TMEM164: variants seen among roughly 807,000 people sequenced by gnomAD.
The protein encoded by TMEM164 is RP13-360B22.2.
TMEM164 carries 4 observed loss-of-function variants against 18.8 expected under a neutral mutation model. The ratio of observed to expected loss-of-function variants is 0.21; its 90% CI spans 0.10 to 0.49. The LOEUF (loss-of-function observed/expected upper bound fraction) is 0.49. Among genes scored for constraint, TMEM164 ranks in the 20% least tolerant of loss-of-function variants. TMEM164 has a pLI of 0.98. For synonymous variants in TMEM164, 86 were observed against 101.7 expected (o/e 0.85, Z 0.93); for missense variants, 108 against 239.9 (o/e 0.45, Z 3.63).
intron 2 of TMEM164, among the ~76,000 whole-genome samples, chrX:110,029,606 A>G (rs1030208374): frequency 8.9e-6 from 1 of 112,378 alleles, no homozygotes; most frequent in South Asian, 3.7e-4. Flanking sequence ...GATGTCAGCT[A>G]TTCCCCCTTT....
chrX:110,041,804 C>T (rs186979842), intron 2 of TMEM164, among the ~76,000 whole-genome samples: 1 of 111,322 alleles, frequency 9.0e-6, no homozygotes, highest in African/African-American at 3.3e-5. Flanking sequence ...TCTAATGGTA[C>T]AGTTCTGTGA....
In TMEM164 at chrX:110,174,451, T is replaced by G. The variant is rs937379760; in HGVS notation, c.*1000T>G. 1.0e-5 allele frequency: 1 copy of G among 99,385 alleles called. No individual in the cohort carries two copies. Among genetic ancestry groups the G allele is most frequent in the African/African-American group, 3.7e-5 (1 of 26,905 alleles). 8.2% of individuals were successfully genotyped at this position (99,385 alleles called of 1,213,427 possible). Reference sequence around the variant, plus strand: ...AGCTGGAATTGGCTGGTTGGTTGGTTTTTGAGTTTGGAGAATCCTCGCATC... The same window carrying G: ...AGCTGGAATTGGCTGGTTGGTTGGTGTTTGAGTTTGGAGAATCCTCGCATC... On this transcript the variant is annotated 3_prime_UTR_variant, in exon 7 of 7. Transcript: ENST00000372068.
At chrX:110,151,176 A>G (rs993662101) in intron 5 of TMEM164, among the ~76,000 whole-genome samples, 14 of 112,482 alleles carry the variant, frequency 1.2e-4, no homozygotes, top group Non-Finnish European at 3.8e-5. Flanking sequence ...GATAATGTAA[A>G]TAACACTGCA....
At chrX:110,125,071 C>T (rs745989292) in intron 4 of TMEM164, among the ~76,000 whole-genome samples, 1 of 112,361 alleles carries the variant, frequency 8.9e-6, no homozygotes, top group Admixed American at 9.4e-5. Flanking sequence ...TCTACAGCAT[C>T]AATAGCCTGT....
intron 2 of TMEM164, among the ~76,000 whole-genome samples, chrX:110,055,873 G>A (rs1935801772): frequency 9.0e-6 from 1 of 111,088 alleles, no homozygotes; most frequent in Non-Finnish European, 1.9e-5. Flanking sequence ...AGAAAAGCAT[G>A]TAAAAGGGAG....
At chrX:110,096,616 C>T (rs2066023704) in intron 3 of TMEM164, among the ~76,000 whole-genome samples, 3 of 112,334 alleles carry the variant, frequency 2.7e-5, no homozygotes, top group African/African-American at 9.7e-5. Flanking sequence ...AAAGGGAATT[C>T]CCCGACCCCT....
At chrX:110,073,988 C>T (rs747848872) in intron 3 of TMEM164, among the ~76,000 whole-genome samples, 164 of 110,833 alleles carry the variant, frequency 1.5e-3, no homozygotes, top group African/African-American at 5.1e-3. Context: ...AGTGATTCTC[C>T]TGCGTCAGCC....
intron 3 of TMEM164, among the ~76,000 whole-genome samples, chrX:110,090,279 A>T (rs1335740077): frequency 5.7e-5 from 6 of 104,385 alleles, no homozygotes; most frequent in Non-Finnish European, 9.9e-5. Flanking sequence ...TTTTTTCTTT[A>T]CTTGCTTGTT....
At chrX:110,117,052 G>A (rs73636950) in intron 4 of TMEM164, among the ~76,000 whole-genome samples, 6,293 of 111,363 alleles carry the variant, frequency 0.057, 413 homozygotes, top group African/African-American at 0.18. Context: ...TAAGTTAGTT[G>A]ATGTGTGTAA....
intron 3 of TMEM164, among the ~76,000 whole-genome samples, chrX:110,091,790 A>G (rs771180838): frequency 1.2e-4 from 13 of 112,155 alleles, no homozygotes; most frequent in East Asian, 5.6e-4. Context: ...GCCCATGCCT[A>G]TGTCCTGAAT....
chrX:110,134,124 T>C (rs2066650833), intron 4 of TMEM164, among the ~76,000 whole-genome samples: 1 of 111,626 alleles, frequency 9.0e-6, no homozygotes, highest in African/African-American at 3.3e-5. Flanking sequence ...TTTTATGGGC[T>C]CAAAGTATTT....
chrX:110,007,437 A>G (rs958012885), intron 2 of TMEM164, among the ~76,000 whole-genome samples: 5 of 112,387 alleles, frequency 4.4e-5, no homozygotes, highest in Non-Finnish European at 9.4e-5. Context: ...CCCTTGCTAA[A>G]TATCACTGGT....
chrX:110,168,003 C>A (rs1264714834), intron 5 of TMEM164, among the ~76,000 whole-genome samples: 1 of 112,012 alleles, frequency 8.9e-6, no homozygotes, highest in African/African-American at 3.2e-5. Context: ...GCTGAGGACA[C>A]CCCCCACCAA....
intron 3 of TMEM164, among the ~76,000 whole-genome samples, chrX:110,101,312 G>A (rs1459866850): frequency 9.0e-6 from 1 of 111,690 alleles, no homozygotes; most frequent in Admixed American, 9.6e-5. Flanking sequence ...TTATTTAATA[G>A]TATTATTCAG....
intron 3 of TMEM164, among the ~76,000 whole-genome samples, chrX:110,078,517 C>T (rs1456571786): frequency 8.9e-6 from 1 of 111,841 alleles, no homozygotes; most frequent in Non-Finnish European, 1.9e-5. Context: ...CGGATCATCA[C>T]ATTTTAAAAT....
At position 110,109,069 on chromosome X, in the gene TMEM164, TC is replaced by T. The variant is rs746519046; in HGVS notation, c.441-6del. The T allele has an allele frequency of 8.3e-7, 1 of 1,207,539 alleles. No individual in the cohort carries two copies. Among genetic ancestry groups the T allele is most frequent in the Non-Finnish European group, 1.1e-6 (1 of 892,243 alleles). On this transcript the variant is annotated splice_polypyrimidine_tract_variant and intron_variant, in intron 3 of 6. Transcript: ENST00000372068. ...GAGTATGACCTGAACTTTATCTTTCTCCCCCTCTAGGCTACAGATGCACATG... is the reference window on the plus strand; with the variant it reads ...GAGTATGACCTGAACTTTATCTTTCTCCCCTCTAGGCTACAGATGCACATG...
At chrX:110,047,540 A>G (rs1300568331) in intron 2 of TMEM164, among the ~76,000 whole-genome samples, 1 of 112,112 alleles carries the variant, frequency 8.9e-6, no homozygotes, top group African/African-American at 3.2e-5. Flanking sequence ...AATGCCATTC[A>G]ATGGTTGTAC....
At chrX:110,094,348 C>A (rs1278001418) in intron 3 of TMEM164, among the ~76,000 whole-genome samples, 8 of 111,807 alleles carry the variant, frequency 7.2e-5, no homozygotes, top group African/African-American at 9.8e-5. Context: ...TAAGGACTTG[C>A]TTTATGAATC....
chrX:110,094,114 G>T (rs2065976328), intron 3 of TMEM164, among the ~76,000 whole-genome samples: 1 of 111,802 alleles, frequency 8.9e-6, no homozygotes. Flanking sequence ...CAACTATGTG[G>T]TCAATTTTGG....
Sources: gnomAD v4.1 joint callset for allele counts (sites outside exome capture counted in the v4.1 genomes callset) on GRCh38, gnomAD v4.1.1 for gene constraint, MANE v1.5 for transcripts, NCBI Gene and HGNC (gene_info 2026-07-23, HGNC 2026-07-21) for gene names.